The following MICU2 variants were observed in gnomAD, a reference collection of about 807,000 sequenced individuals.
MICU2 encodes calcium uptake protein 2, mitochondrial.
Under a neutral mutation model 60.4 loss-of-function variants are expected in MICU2, and 64 were observed. The observed-to-expected ratio is 1.06, with a 90% confidence interval of 0.87 to 1.31. MICU2 has a LOEUF of 1.31. MICU2 is among the 50% of genes most tolerant of loss of function. The probability of loss-of-function intolerance (pLI) is 0.00; values close to 1 mark genes in which losing one functional copy is unlikely to be tolerated. For missense variants in MICU2, 569 were observed against 531.0 expected, an observed-to-expected ratio of 1.07 and a Z score of -0.70; for synonymous variants, 201 against 175.0, an observed-to-expected ratio of 1.15 and a Z score of -1.17.
At chr13:21,544,041 A>G (rs1361551407) in intron 2 of MICU2, among the ~76,000 whole-genome samples, 1 of 152,192 alleles carries the variant, frequency 6.6e-6, no homozygotes, top group East Asian at 1.9e-4. Flanking sequence ...AGTTAGAAGT[A>G]CCAAGAACCT....
chr13:21,589,359 C>T (rs1888524821), intron 1 of MICU2, among the ~76,000 whole-genome samples: 2 of 152,306 alleles, frequency 1.3e-5, no homozygotes, highest in South Asian at 4.1e-4. Context: ...GGTGCAGAGG[C>T]TCATAAAAAC....
chr13:21,532,475 C>G (rs966051921), intron 4 of MICU2, among the ~76,000 whole-genome samples: 1 of 152,168 alleles, frequency 6.6e-6, no homozygotes, highest in East Asian at 1.9e-4. Context: ...TTATCTCTCA[C>G]GAGATAGAGA....
rs914983547 is a variant in MICU2, at chr13:21,560,047, A to T, written c.358+6750T>A. The stretch of plus-strand genomic sequence containing the variant: ...TACTTACTACTTCTGTCCCTTTTTT[A>T]AAAAAATTGTCTTTTTCTTATTGAT... On this transcript the variant is annotated intron_variant, in intron 2 of 11. Coordinates refer to ENST00000382374, the MANE Select transcript of MICU2 (RefSeq NM_152726.3). 1.4e-3 allele frequency among the ~76,000 whole-genome samples: 206 copies of T among 152,116 alleles called. 2 individuals are homozygous for T. Among genetic ancestry groups the T allele is most frequent in the Middle Eastern group, 6.8e-3 (2 of 294 alleles).
chr13:21,515,826 C>A (rs117515774), intron 6 of MICU2, among the ~76,000 whole-genome samples: 1 of 152,122 alleles, frequency 6.6e-6, no homozygotes, highest in Admixed American at 6.6e-5. Flanking sequence ...CTTTCCCCTA[C>A]TTAATTATTT....
chr13:21,551,705 G>A (rs1732907122), intron 2 of MICU2, among the ~76,000 whole-genome samples: 1 of 150,178 alleles, frequency 6.7e-6, no homozygotes, highest in Non-Finnish European at 1.5e-5. Flanking sequence ...TTTAGTCCTT[G>A]CGATAGTTTG....
At chr13:21,518,196 G>A (rs1049094826) in intron 6 of MICU2, among the ~76,000 whole-genome samples, 42 of 152,284 alleles carry the variant, frequency 2.8e-4, no homozygotes, top group African/African-American at 1.0e-3. Flanking sequence ...AAATGTATTT[G>A]AAAAAATTTT....
chr13:21,597,049 T>C (rs988457572), intron 1 of MICU2, among the ~76,000 whole-genome samples: 6 of 152,218 alleles, frequency 3.9e-5, no homozygotes, highest in Non-Finnish European at 8.8e-5. Flanking sequence ...GATATTTTAA[T>C]GTGATAGCAA....
chr13:21,537,920 G>A (rs1206042507), intron 4 of MICU2, among the ~76,000 whole-genome samples: 1 of 152,104 alleles, frequency 6.6e-6, no homozygotes, highest in Non-Finnish European at 1.5e-5. Flanking sequence ...CATCCTCCCT[G>A]TGGAATGCTG....
chr13:21,537,744 T>C (rs1887169335), intron 4 of MICU2, among the ~76,000 whole-genome samples: 1 of 152,124 alleles, frequency 6.6e-6, no homozygotes, highest in Non-Finnish European at 1.5e-5. Context: ...CCTCCCAAAG[T>C]GCTGGGATTA....
chr13:21,515,536 G>C, intron 6 of MICU2: 1 of 436,946 alleles, frequency 2.3e-6, no homozygotes, highest in South Asian at 1.6e-5. Flanking sequence ...AAACCTACCT[G>C]CCTTTCAGAA....
chr13:21,603,366 G>T (rs1396833402), intron 1 of MICU2, among the ~76,000 whole-genome samples: 1 of 152,184 alleles, frequency 6.6e-6, no homozygotes, highest in Non-Finnish European at 1.5e-5. Flanking sequence ...ATGCAATAAT[G>T]TTCCTTAAAG....
chr13:21,518,107 A>G (rs1328780203), intron 6 of MICU2, among the ~76,000 whole-genome samples: 1 of 152,186 alleles, frequency 6.6e-6, no homozygotes. Context: ...TCACCCAACA[A>G]TTTTCCAACA....
At chr13:21,573,123 C>T (rs1255245144) in intron 1 of MICU2, among the ~76,000 whole-genome samples, 1 of 152,108 alleles carries the variant, frequency 6.6e-6, no homozygotes, top group Non-Finnish European at 1.5e-5. Context: ...GCTATATCTA[C>T]ATAAACTGAA....
chr13:21,519,724 G>A (rs1886669034), intron 6 of MICU2, among the ~76,000 whole-genome samples: 1 of 152,162 alleles, frequency 6.6e-6, no homozygotes, highest in South Asian at 2.1e-4. Context: ...AGTTGCTCAA[G>A]CCCAACATTT....
intron 8 of MICU2, among the ~76,000 whole-genome samples, chr13:21,508,040 T>C (rs915774743): frequency 6.6e-6 from 1 of 152,128 alleles, no homozygotes; most frequent in African/African-American, 2.4e-5. Flanking sequence ...AATCAATCAC[T>C]GAGCCCTACA....
intron 1 of MICU2, among the ~76,000 whole-genome samples, chr13:21,601,844 G>A (rs896642304): frequency 1.3e-5 from 2 of 152,152 alleles, no homozygotes; most frequent in African/African-American, 4.8e-5. Flanking sequence ...TGTGGCTCAC[G>A]CCAGTAATCC....
At chr13:21,575,852 T>C (rs928520802) in intron 1 of MICU2, among the ~76,000 whole-genome samples, 1 of 152,140 alleles carries the variant, frequency 6.6e-6, no homozygotes, top group Non-Finnish European at 1.5e-5. Flanking sequence ...TCTTAAGAAT[T>C]GAATGAGCTA....
intron 8 of MICU2, among the ~76,000 whole-genome samples, chr13:21,508,957 G>A (rs1047142295): frequency 7.9e-5 from 12 of 152,168 alleles, no homozygotes; most frequent in Non-Finnish European, 5.9e-5. Flanking sequence ...TTTTCTGCAT[G>A]TTTACTAGAT....
intron 8 of MICU2, among the ~76,000 whole-genome samples, chr13:21,504,382 T>C (rs1435391924): frequency 2.6e-5 from 4 of 152,256 alleles, no homozygotes; most frequent in Non-Finnish European, 5.9e-5. Flanking sequence ...TTTCCCTTTT[T>C]TCTTCAGGCT....
Sources: allele counts gnomAD v4.1 joint callset (sites outside exome capture counted in the v4.1 genomes callset), GRCh38; gene constraint gnomAD v4.1.1; transcripts MANE v1.5; gene names NCBI Gene and HGNC (gene_info 2026-07-23, HGNC 2026-07-21).